Variants in VPS8 observed in about 807,000 individuals in gnomAD.
The protein encoded by VPS8 is vacuolar protein sorting-associated protein 8 homolog.
A neutral mutation model predicts 216.4 loss-of-function variants in VPS8; 129 were observed. The ratio of observed to expected loss-of-function variants is 0.60; its 90% confidence interval spans 0.52 to 0.69. The LOEUF (loss-of-function observed/expected upper bound fraction) is 0.69, where lower values mean the gene tolerates loss of function less well. VPS8 is among the 30% of genes least tolerant of loss of function. VPS8 has a pLI of 0.00. For missense variants in VPS8, 1,531 were observed against 1,683.5 expected (o/e 0.91, Z 1.59); for synonymous variants, 571 against 565.4 (o/e 1.01, Z -0.14).
At chr3:185,047,108 G>C (rs1369586263) in intron 46 of VPS8, among the ~76,000 whole-genome samples, 1 of 152,102 alleles carries the variant, frequency 6.6e-6, no homozygotes, top group African/African-American at 2.4e-5. Context: ...ACCCAGTTTT[G>C]CCTGTGCACG....
rs893256183 is a variant in VPS8 at position 185,027,235 on chromosome 3, C to CTTTTTTTT, written c.4056+2864_4056+2871dup. The stretch of plus-strand genomic sequence containing the variant: ...GCTAACTTAGTGCAGTTTTTATGTT[C>CTTTTTTTT]TTTTTTTTTTTTTTTTTTTTTTTTT... On this transcript the variant is annotated intron_variant, in intron 46 of 47. Transcript: ENST00000625842. 1.3e-3 allele frequency among the ~76,000 whole-genome samples: 111 copies of CTTTTTTTT among 87,718 alleles called. 4 individuals are homozygous for CTTTTTTTT. The highest frequency in any genetic ancestry group is 4.4e-3 in the African/African-American group (94 of 21,284). The allele number at this position is 87,718 out of a possible 152,430, so 57.5% of individuals were successfully genotyped here. A position where few individuals can be genotyped will look rare whatever the true frequency, so the allele number is the denominator to read the frequency against.
At chr3:185,030,445 A>C (rs747836054) in intron 46 of VPS8, among the ~76,000 whole-genome samples, 1 of 152,180 alleles carries the variant, frequency 6.6e-6, no homozygotes, top group Non-Finnish European at 1.5e-5. Context: ...GCTGAAGACT[A>C]TCCTCAGGCT....
chr3:184,998,018 C>T (rs1037061793), intron 44 of VPS8, among the ~76,000 whole-genome samples: 1 of 152,062 alleles, frequency 6.6e-6, no homozygotes, highest in Non-Finnish European at 1.5e-5. Flanking sequence ...GCGGGAGAGC[C>T]TTGGCATTCT....
intron 36 of VPS8, among the ~76,000 whole-genome samples, chr3:184,946,902 A>G (rs1743777696): frequency 6.6e-6 from 1 of 152,106 alleles, no homozygotes; most frequent in Non-Finnish European, 1.5e-5. Context: ...AGATTAACAA[A>G]AGAAAAACAA....
chr3:185,020,312 G>A (rs1756461918), intron 45 of VPS8, among the ~76,000 whole-genome samples: 1 of 152,150 alleles, frequency 6.6e-6, no homozygotes, highest in African/African-American at 2.4e-5. Context: ...TTCATAATGT[G>A]CAACATAGAA....
At chr3:184,826,100 A>T in intron 2 of VPS8, 63 bp from the exon 3 acceptor site, 1 of 1,209,652 alleles carries the variant, frequency 8.3e-7, no homozygotes, top group Non-Finnish European at 1.2e-6. Flanking sequence ...ATCAACTAAA[A>T]CCCCTCACAA....
At chr3:184,880,395 A>G (rs950864445) in intron 21 of VPS8, among the ~76,000 whole-genome samples, 2 of 152,120 alleles carry the variant, frequency 1.3e-5, no homozygotes, top group Non-Finnish European at 2.9e-5. Flanking sequence ...ATAATGCTAT[A>G]TAAATGGAAT....
chr3:184,820,353 C>T (rs1279884483), intron 1 of VPS8, among the ~76,000 whole-genome samples: 1 of 152,206 alleles, frequency 6.6e-6, no homozygotes. Flanking sequence ...ACGCCTGTGA[C>T]ATGGTGTCAC....
In VPS8 at chr3:184,898,659, G is replaced by C; in HGVS notation, c.2094+5G>C. 2 of 1,535,894 alleles carry C rather than the reference G, an allele frequency of 1.3e-6. No homozygotes were observed. The highest frequency in any genetic ancestry group is 1.8e-6 in the Non-Finnish European group (2 of 1,139,172). On this transcript the variant is annotated splice_donor_5th_base_variant and intron_variant, in intron 24 of 47. Transcript: ENST00000625842. ...GAATTTATTAGTCCAATGGAGGTAA[G>C]ATACTTCCTAACTTGGATACGTAAT...
chr3:184,834,270 G>A (rs750878587), intron 4 of VPS8, among the ~76,000 whole-genome samples: 4 of 152,156 alleles, frequency 2.6e-5, no homozygotes, highest in Non-Finnish European at 5.9e-5. Context: ...AGTTTGAATC[G>A]TGAGAAAGGA....
intron 45 of VPS8, among the ~76,000 whole-genome samples, chr3:185,012,269 A>G (rs1386944022): frequency 6.8e-6 from 1 of 147,920 alleles, no homozygotes; most frequent in Non-Finnish European, 1.5e-5. Context: ...ATAGATATAT[A>G]ATGTACATAT....
At chr3:184,902,333 G>A (rs1315475342) in intron 25 of VPS8, among the ~76,000 whole-genome samples, 7 of 151,262 alleles carry the variant, frequency 4.6e-5, no homozygotes, top group East Asian at 2.0e-4. Flanking sequence ...AAAATTAGCC[G>A]GGTGTGGTGG....
chr3:185,018,877 A>G (rs1756221000), intron 45 of VPS8, among the ~76,000 whole-genome samples: 2 of 152,198 alleles, frequency 1.3e-5, no homozygotes, highest in Admixed American at 6.5e-5. Flanking sequence ...CGCTGCTCGA[A>G]CAGTCACTGG....
intron 8 of VPS8, among the ~76,000 whole-genome samples, chr3:184,846,239 A>C (rs1338775248): frequency 1.3e-5 from 2 of 152,212 alleles, no homozygotes; most frequent in Admixed American, 6.5e-5. Context: ...AAAAGTTGAG[A>C]ATGTTTCCAT....
intron 42 of VPS8, among the ~76,000 whole-genome samples, chr3:184,985,909 T>C (rs568722393): frequency 6.6e-6 from 1 of 152,252 alleles, no homozygotes; most frequent in African/African-American, 2.4e-5. Flanking sequence ...TAAAGAGGAT[T>C]CAAGACATAG....
rs1358397606 is a variant in VPS8 at position 184,930,553 on chromosome 3, A to G, written c.2883A>G (p.Ala961=). Residue 961 remains alanine, a synonymous_variant, in exon 34 of 48, where the codon GCA becomes GCG. Transcript: ENST00000625842. ...AEEKQSVWQK[A]MDHIEELVSL... ...AGAAGCAGTCTGTATGGCAGAAAGC[A>G]ATGGATCATATTGAGGTACTGATGC... 1 of 1,612,628 alleles carries G rather than the reference A, an allele frequency of 6.2e-7. No homozygotes were observed. Among genetic ancestry groups the G allele is most frequent in the Non-Finnish European group, 8.5e-7 (1 of 1,178,812 alleles).
chr3:184,947,951 T>C (rs943963578), intron 36 of VPS8, among the ~76,000 whole-genome samples: 3 of 151,984 alleles, frequency 2.0e-5, no homozygotes, highest in Non-Finnish European at 4.4e-5. Context: ...AGTCTGGGAG[T>C]CATAGCCAGA....
intron 36 of VPS8, among the ~76,000 whole-genome samples, chr3:184,954,851 C>G (rs767803075): frequency 1.3e-5 from 2 of 152,206 alleles, no homozygotes; most frequent in Non-Finnish European, 2.9e-5. Flanking sequence ...TAGAGATGAT[C>G]ATGGACAATT....
Position 184,883,872 on chromosome 3 carries a change from G to A in VPS8, c.1735-2238G>A, listed in dbSNP as rs565147352. Reference sequence around the variant, plus strand: ...CTACCTGATAATTATATTATTTGAAGTCTTGGGGTATACTACTGCCCTTTA... The same window carrying A: ...CTACCTGATAATTATATTATTTGAAATCTTGGGGTATACTACTGCCCTTTA... On this transcript the variant is annotated intron_variant, in intron 21 of 47. Transcript: ENST00000625842. 7.9e-5 allele frequency among the ~76,000 whole-genome samples: 12 copies of A among 152,210 alleles called. No homozygotes were observed. The South Asian group carries it at 2.3e-3, about 29-fold the overall frequency.
Sources: gnomAD v4.1 joint callset for allele counts (sites outside exome capture counted in the v4.1 genomes callset) on GRCh38, gnomAD v4.1.1 for gene constraint, MANE v1.5 for transcripts, NCBI Gene and HGNC (gene_info 2026-07-23, HGNC 2026-07-21) for gene names.